C21orf91: variants seen among roughly 807,000 people sequenced by gnomAD.
C21orf91 encodes the protein chromosome 21 open reading frame 91.
Under a neutral mutation model 32.9 loss-of-function variants are expected in C21orf91, and 26 were observed. The ratio of observed to expected loss-of-function variants is 0.79; its 90% CI spans 0.58 to 1.10. The LOEUF (loss-of-function observed/expected upper bound fraction) is 1.10, where lower values mean the gene tolerates loss of function less well. Among genes scored for constraint, C21orf91 ranks in the 50% least tolerant of loss-of-function variants. The probability of loss-of-function intolerance (pLI) is 0.00; values close to 1 mark genes in which losing one functional copy is unlikely to be tolerated. For synonymous variants in C21orf91, 126 were observed against 120.4 expected (o/e 1.05, Z -0.31); for missense variants, 310 against 341.3 (o/e 0.91, Z 0.72).
intron 2 of C21orf91, chr21:17,811,286 T>C (rs1362687822): frequency 6.6e-6 from 1 of 152,170 alleles, no homozygotes; most frequent in Non-Finnish European, 1.5e-5. Context: ...AGAATAAAAT[T>C]AAAAACTGTA....
intron 3 of C21orf91, among the ~76,000 whole-genome samples, 169 bp downstream of exon 3, chr21:17,796,413 G>C (rs952067274): frequency 3.3e-5 from 5 of 152,160 alleles, no homozygotes; most frequent in Non-Finnish European, 7.4e-5. Context: ...CAGAATCCCA[G>C]TGAATGAAAA....
intron 1 of C21orf91, among the ~76,000 whole-genome samples, chr21:17,818,579 G>A (rs1208466094): frequency 6.6e-6 from 1 of 152,220 alleles, no homozygotes; most frequent in East Asian, 1.9e-4. Context: ...AGTTGATTGG[G>A]TTAGTGGCAC....
At chr21:17,795,431 G>A (rs1043558934) in intron 3 of C21orf91, among the ~76,000 whole-genome samples, 161 bp from the exon 4 acceptor site, 2 of 152,224 alleles carry the variant, frequency 1.3e-5, no homozygotes, top group South Asian at 4.1e-4. Context: ...TAAGTGTGGA[G>A]TAGAAGTTTT....
intron 2 of C21orf91, among the ~76,000 whole-genome samples, chr21:17,817,350 T>A (rs1280038779): frequency 1.3e-5 from 2 of 152,016 alleles, no homozygotes; most frequent in Non-Finnish European, 2.9e-5. Flanking sequence ...AAAATAAAGA[T>A]CATGAAAAAT....
chr21:17,818,456 G>A, intron 1 of C21orf91, 131 bp from the exon 2 acceptor site: 1 of 705,766 alleles, frequency 1.4e-6, no homozygotes, highest in Non-Finnish European at 2.4e-6. Flanking sequence ...CATCAAACAA[G>A]CATCGCCATA....
intron 3 of C21orf91, 51 bp downstream of exon 3, chr21:17,796,531 T>C: frequency 7.1e-7 from 1 of 1,402,368 alleles, no homozygotes. Flanking sequence ...TATACAAATG[T>C]ACAAAAATCC....
intron 4 of C21orf91, among the ~76,000 whole-genome samples, chr21:17,794,258 T>C (rs1312732342): frequency 6.6e-6 from 1 of 152,198 alleles, no homozygotes; most frequent in Non-Finnish European, 1.5e-5. Context: ...CAACTTAACA[T>C]CTCTGAAGTA....
chr21:17,807,985 T>G (rs2062609349), intron 2 of C21orf91, among the ~76,000 whole-genome samples: 1 of 152,204 alleles, frequency 6.6e-6, no homozygotes, highest in Non-Finnish European at 1.5e-5. Context: ...AAAGCTCATT[T>G]TCTGGGGAGG....
intron 2 of C21orf91, among the ~76,000 whole-genome samples, chr21:17,814,297 G>A (rs12627264): frequency 0.71 from 107,739 of 152,014 alleles, 39,279 homozygotes; most frequent in African/African-American, 0.89. Flanking sequence ...GATTTTAGCA[G>A]TTTGAACTAT....
chr21:17,793,855 G>A (rs796966213), intron 4 of C21orf91, among the ~76,000 whole-genome samples: 1 of 152,184 alleles, frequency 6.6e-6, no homozygotes, highest in South Asian at 2.1e-4. Flanking sequence ...CTGTAGCTGA[G>A]CTACTTTTCT....
rs1309853274 is a variant in C21orf91 at position 17,792,585 on chromosome 21, TCA to T, written c.*828_*829del. ...CTTACTCTGTCCAAATTCTAATGCATCACAGTCACTGGTGTGAAGCTAATAAT... is the reference window on the plus strand; with the variant it reads ...CTTACTCTGTCCAAATTCTAATGCATCAGTCACTGGTGTGAAGCTAATAAT... On this transcript the variant is annotated 3_prime_UTR_variant, in exon 5 of 5. Coordinates refer to ENST00000284881, the MANE Select transcript of C21orf91 (RefSeq NM_001100420.2). 4 of 152,296 alleles carry T rather than the reference TCA, an allele frequency of 2.6e-5. No individual in the cohort carries two copies. Among genetic ancestry groups the T allele is most frequent in the Admixed American group, 2.0e-4 (3 of 15,296 alleles). The allele number at this position is 152,296 out of a possible 1,614,324, so 9.4% of individuals were successfully genotyped here.
chr21:17,795,419 CG>C (rs2062510343), intron 3 of C21orf91, 149 bp from the exon 4 acceptor site: 1 of 627,450 alleles, frequency 1.6e-6, no homozygotes, highest in Non-Finnish European at 2.8e-6. Context: ...CATTAACGCT[CG>C]TAAGTGTGGA....
Position 17,800,248 on chromosome 21 carries a change from C to T in C21orf91, c.128-3130G>A, listed in dbSNP as rs368187874. Among the ~76,000 whole-genome samples, 12 of 152,188 alleles carry T rather than the reference C, an allele frequency of 7.9e-5. No individual in the cohort carries two copies. In the South Asian group the frequency reaches 8.3e-4, roughly 11 times the overall value. ...GTCGTACTAAAATTTAAAAACCTGA[C>T]TGAGTTTTAAAGTTCAATTAGAAAC... On this transcript the variant is annotated intron_variant, in intron 2 of 4. Transcript: ENST00000284881.
rs2062522725 is a variant in C21orf91, at chr21:17,796,844, C to T, written c.402G>A (p.Gln134=). 1 of 1,613,826 alleles carries T rather than the reference C, an allele frequency of 6.2e-7. No individual in the cohort carries two copies. Among genetic ancestry groups the T allele is most frequent in the South Asian group, 1.1e-5 (1 of 91,084 alleles). The change falls in exon 3 of 5, where the codon CAG becomes CAA. Residue 134 remains glutamine (Q), a synonymous_variant. Coordinates refer to ENST00000284881, the MANE Select transcript of C21orf91 (RefSeq NM_001100420.2). ...AATATTTTGGTACTTGGGAGTCAAA[C>T]TGTGGGAGTAATTTTTCTTCTGGCT... is the stretch of plus-strand genomic sequence containing the variant. ...RHKPEEKLLP[Q]FDSQVPKYSA...
chr21:17,815,526 A>G (rs1209806801), intron 2 of C21orf91, among the ~76,000 whole-genome samples: 1 of 152,188 alleles, frequency 6.6e-6, no homozygotes, highest in African/African-American at 2.4e-5. Flanking sequence ...GACAACAAAT[A>G]TACCTTGTTA....
At chr21:17,798,624 A>C (rs1333060547) in intron 2 of C21orf91, among the ~76,000 whole-genome samples, 1 of 152,236 alleles carries the variant, frequency 6.6e-6, no homozygotes, top group Non-Finnish European at 1.5e-5. Context: ...GAGCACGTAT[A>C]CATTTCTACC....
chr21:17,810,169 T>C (rs915426773), intron 2 of C21orf91, among the ~76,000 whole-genome samples: 2 of 152,252 alleles, frequency 1.3e-5, no homozygotes, highest in Non-Finnish European at 2.9e-5. Context: ...CAATCACTCA[T>C]ACATTTTTCA....
At chr21:17,809,163 T>C (rs2062616994) in intron 2 of C21orf91, among the ~76,000 whole-genome samples, 1 of 152,180 alleles carries the variant, frequency 6.6e-6, no homozygotes, top group South Asian at 2.1e-4. Flanking sequence ...TAGTTCTTTA[T>C]AGCAGTGTGA....
intron 3 of C21orf91, among the ~76,000 whole-genome samples, chr21:17,795,690 C>T (rs1399614385): frequency 3.3e-5 from 5 of 152,068 alleles, no homozygotes; most frequent in Non-Finnish European, 7.4e-5. Context: ...CTAGGCTGGT[C>T]TTGAACTCCT....
Sources: gnomAD v4.1 joint callset for allele counts (sites outside exome capture counted in the v4.1 genomes callset) on GRCh38, gnomAD v4.1.1 for gene constraint, MANE v1.5 for transcripts, NCBI Gene and HGNC (gene_info 2026-07-23, HGNC 2026-07-21) for gene names.